The following GPHN variants were observed in gnomAD, a reference collection of about 807,000 sequenced individuals.
GPHN encodes gephyrin.
GPHN carries 17 observed loss-of-function variants against 95.5 expected under a neutral mutation model. That is an observed-to-expected ratio of 0.18 (90% confidence interval 0.12 to 0.27). GPHN has a LOEUF of 0.27. Ranked by LOEUF, GPHN falls within the 10% of genes least tolerant of loss-of-function variation. GPHN has a pLI of 1.00. For missense variants in GPHN, 660 were observed against 978.1 expected, an observed-to-expected ratio of 0.67 and a Z score of 4.34; for synonymous variants, 320 against 322.5, an observed-to-expected ratio of 0.99 and a Z score of 0.08.
At chr14:67,194,723 G>A in the GPHN span, among the ~76,000 whole-genome samples, 2 of 152,020 alleles carry the variant, frequency 1.3e-5, no homozygotes, top group Admixed American at 6.6e-5. Context: ...GGCTGGTCTC[G>A]AACTCCTGAC....
intron 2 of GPHN, among the ~76,000 whole-genome samples, chr14:66,701,768 C>T (rs2068574521): frequency 6.6e-6 from 1 of 152,198 alleles, no homozygotes; most frequent in Non-Finnish European, 1.5e-5. Context: ...CTTAAGCCTA[C>T]CAAGCTCCTG....
At chr14:67,423,706 T>C in the GPHN span, among the ~76,000 whole-genome samples, 1 of 151,834 alleles carries the variant, frequency 6.6e-6, no homozygotes, top group South Asian at 2.1e-4. Flanking sequence ...CAACACAGCT[T>C]CTTCCTTTAG....
rs144749710 is a variant in GPHN, at chr14:66,691,848, A to G, written c.143+10663A>G. Among the ~76,000 whole-genome samples the G allele has an allele frequency of 2.8e-4, 43 of 152,338 alleles. No homozygotes were observed. In the East Asian group the frequency reaches 8.1e-3, roughly 29 times the overall value. On this transcript the variant is annotated intron_variant, in intron 2 of 22. Transcript: ENST00000478722. The stretch of plus-strand genomic sequence containing the variant: ...ACATAGAATGGAAGCCAAAATTAAG[A>G]TATAGGGTCTGCAGAAAACAAAACT...
intron 3 of GPHN, among the ~76,000 whole-genome samples, chr14:66,802,464 G>A (rs116576892): frequency 9.2e-4 from 140 of 152,276 alleles, no homozygotes; most frequent in African/African-American, 3.2e-3. Flanking sequence ...CTGTGGCCAA[G>A]TTGGTACCCG....
rs1464358014 is a variant in GPHN, at chr14:66,961,931, TATATATATATATATATACAC to T, written c.829-3255_829-3236del. ...ATATATATATATATATATATATATA[TATATATATATATATATACAC>T]ATATCTCCCAGAAATTTACTCACAT... On this transcript the variant is annotated intron_variant, in intron 8 of 22. Coordinates refer to ENST00000478722, the MANE Select transcript of GPHN (RefSeq NM_020806.5). 7.3e-3 allele frequency among the ~76,000 whole-genome samples: 579 copies of T among 79,552 alleles called. 9 individuals are homozygous for T. Among genetic ancestry groups the T allele is most frequent in the African/African-American group, 0.047 (498 of 10,692 alleles). The allele number at this position is 79,552 out of a possible 152,430, so 52.2% of individuals were successfully genotyped here.
At chr14:66,723,987 A>ACT (rs1491526672) in intron 2 of GPHN, among the ~76,000 whole-genome samples, 1 of 69,490 alleles carries the variant, frequency 1.4e-5, no homozygotes, top group Admixed American at 1.4e-4. Context: ...ATGCATACAT[A>ACT]CACACACACA....
At chr14:67,572,566 C>T in the GPHN span, among the ~76,000 whole-genome samples, 1 of 152,130 alleles carries the variant, frequency 6.6e-6, no homozygotes, top group African/African-American at 2.4e-5. Context: ...CCATATATGA[C>T]TTTGTTTTAT....
chr14:67,208,080 A>C, the GPHN span: 5 of 1,388,182 alleles, frequency 3.6e-6, no homozygotes, highest in African/African-American at 1.4e-5. Flanking sequence ...CCTCCTTACT[A>C]CTCCTCACGG....
At chr14:67,009,576 A>G (rs1479975217) in intron 9 of GPHN, among the ~76,000 whole-genome samples, 3 of 152,076 alleles carry the variant, frequency 2.0e-5, no homozygotes, top group Non-Finnish European at 4.4e-5. Context: ...ACTGATCCCA[A>G]ATGTCTTAAT....
the GPHN span, among the ~76,000 whole-genome samples, chr14:67,429,340 C>T: frequency 1.3e-5 from 2 of 151,576 alleles, no homozygotes; most frequent in African/African-American, 4.8e-5. Flanking sequence ...AAGCGATTCT[C>T]CTGTCTCAGC....
chr14:67,256,956 G>A, the GPHN span, among the ~76,000 whole-genome samples: 1 of 152,160 alleles, frequency 6.6e-6, no homozygotes, highest in Non-Finnish European at 1.5e-5. Flanking sequence ...TAAGGACGCG[G>A]CTGTGACACA....
chr14:67,401,275 C>T, the GPHN span, among the ~76,000 whole-genome samples: 1 of 151,900 alleles, frequency 6.6e-6, no homozygotes, highest in Non-Finnish European at 1.5e-5. Flanking sequence ...TTGCTTGAGC[C>T]CAGGAGTTTG....
intron 15 of GPHN, among the ~76,000 whole-genome samples, chr14:67,112,344 C>T (rs2078426396): frequency 1.3e-5 from 2 of 152,260 alleles, no homozygotes; most frequent in Admixed American, 1.3e-4. Context: ...TTGTTATATA[C>T]AAAGATGAGG....
intron 1 of GPHN, among the ~76,000 whole-genome samples, chr14:66,646,039 A>G (rs192244298): frequency 6.6e-6 from 1 of 152,188 alleles, no homozygotes; most frequent in Non-Finnish European, 1.5e-5. Context: ...AACTTTACCT[A>G]TGATTAGAAT....
At chr14:66,864,709 A>G (rs1051037851) in intron 4 of GPHN, among the ~76,000 whole-genome samples, 3 of 151,910 alleles carry the variant, frequency 2.0e-5, no homozygotes, top group Non-Finnish European at 2.9e-5. Context: ...GCGGGTGGAG[A>G]TTGCAGTGAG....
chr14:67,321,712 C>A, the GPHN span, among the ~76,000 whole-genome samples: 4 of 152,100 alleles, frequency 2.6e-5, no homozygotes, highest in East Asian at 7.7e-4. Context: ...TCACATGAGG[C>A]CAGGGTAACG....
chr14:67,234,239 G>T, the GPHN span, among the ~76,000 whole-genome samples: 1 of 152,170 alleles, frequency 6.6e-6, no homozygotes, highest in Non-Finnish European at 1.5e-5. Flanking sequence ...CAGGCAAAGA[G>T]AGAAGTAAAA....
At chr14:66,522,932 C>G (rs900735461) in intron 1 of GPHN, among the ~76,000 whole-genome samples, 1 of 151,914 alleles carries the variant, frequency 6.6e-6, no homozygotes, top group African/African-American at 2.4e-5. Flanking sequence ...GGATGAAATT[C>G]TATTTTGGAT....
the GPHN span, among the ~76,000 whole-genome samples, chr14:67,504,760 C>T: frequency 1.1e-4 from 16 of 152,134 alleles, no homozygotes; most frequent in African/African-American, 3.1e-4. Flanking sequence ...TGGCGGGTGC[C>T]CATAATCCCA....
Sources: allele counts gnomAD v4.1 joint callset (sites outside exome capture counted in the v4.1 genomes callset), GRCh38; gene constraint gnomAD v4.1.1; transcripts MANE v1.5; gene names NCBI Gene and HGNC (gene_info 2026-07-23, HGNC 2026-07-21).